Variants in FUBP3 observed in about 807,000 individuals in gnomAD.
FUBP3 encodes far upstream element binding protein 3.
A neutral mutation model predicts 85.6 loss-of-function variants in FUBP3; 28 were observed. That is an observed-to-expected ratio of 0.33 (90% CI 0.24 to 0.45). The LOEUF (loss-of-function observed/expected upper bound fraction) is 0.45. Among genes scored for constraint, FUBP3 ranks in the 20% least tolerant of loss-of-function variants. The pLI is 1.00. For missense variants in FUBP3, 583 were observed against 755.1 expected (o/e 0.77, Z 2.67); for synonymous variants, 271 against 271.4 (o/e 1.00, Z 0.01).
chr9:130,587,079 T>TG (rs1830382748), intron 1 of FUBP3, among the ~76,000 whole-genome samples: 1 of 149,378 alleles, frequency 6.7e-6, no homozygotes, highest in African/African-American at 2.5e-5. Context: ...TTTGTTTGTT[T>TG]TTTTGAGATG....
chr9:130,607,911 G>A (rs1831543771), intron 2 of FUBP3, among the ~76,000 whole-genome samples: 1 of 152,218 alleles, frequency 6.6e-6, no homozygotes, highest in South Asian at 2.1e-4. Context: ...ATGATAGTGT[G>A]AACATTTTCA....
At chr9:130,591,955 G>C (rs933617150) in intron 1 of FUBP3, among the ~76,000 whole-genome samples, 7 of 152,240 alleles carry the variant, frequency 4.6e-5, no homozygotes, top group African/African-American at 1.7e-4. Flanking sequence ...AAAAGGGCCA[G>C]GCGCAGTGGC....
At chr9:130,584,476 C>G (rs551710221) in intron 1 of FUBP3, among the ~76,000 whole-genome samples, 2 of 151,346 alleles carry the variant, frequency 1.3e-5, no homozygotes, top group South Asian at 4.2e-4. Context: ...TGCAGTGAGC[C>G]GAGATCGTGC....
At chr9:130,614,604 C>T (rs1022432887) in intron 6 of FUBP3, among the ~76,000 whole-genome samples, 2 of 152,228 alleles carry the variant, frequency 1.3e-5, no homozygotes, top group Non-Finnish European at 2.9e-5. Context: ...CAGGAGTGTA[C>T]ATTCACCCCA....
intron 16 of FUBP3, among the ~76,000 whole-genome samples, chr9:130,632,532 G>A (rs1830256553): frequency 6.6e-6 from 1 of 152,200 alleles, no homozygotes; most frequent in African/African-American, 2.4e-5. Context: ...GCCCTCTCTT[G>A]GCCCACCTGT....
chr9:130,607,760 G>T (rs1270151756), intron 2 of FUBP3, among the ~76,000 whole-genome samples: 4 of 152,188 alleles, frequency 2.6e-5, no homozygotes, highest in African/African-American at 7.2e-5. Flanking sequence ...ACATGTTTCA[G>T]CCTTGGGTGG....
At chr9:130,600,553 T>TG (rs530960710) in intron 2 of FUBP3, among the ~76,000 whole-genome samples, 275 of 152,080 alleles carry the variant, frequency 1.8e-3, no homozygotes, top group South Asian at 0.015. Flanking sequence ...TGGAGTGCAG[T>TG]GGGGCAGTCA....
Position 130,599,539 on chromosome 9 carries a change from G to A in FUBP3, c.190+3951G>A, listed in dbSNP as rs534607338. 2.6e-5 allele frequency among the ~76,000 whole-genome samples: 4 copies of A among 152,206 alleles called. No individual in the cohort carries two copies. The East Asian group carries it at 7.7e-4, about 29-fold the overall frequency. On this transcript the variant is annotated intron_variant, in intron 2 of 18. Transcript: ENST00000319725. ...AGAACGCTGTTCATGAGTCTGCTTA[G>A]AACCCAGAGCAGAATTTAGAGCTCA...
intron 14 of FUBP3, 85 bp downstream of exon 14, chr9:130,631,715 G>A: frequency 1.8e-6 from 2 of 1,107,748 alleles, no homozygotes; most frequent in Non-Finnish European, 2.7e-6. Context: ...TCTAGCGAGT[G>A]CCAGCCAAGG....
At position 130,631,690 on chromosome 9, in the gene FUBP3, T is replaced by G; in HGVS notation, c.1352+60T>G. The G allele has an allele frequency of 5.9e-6, 8 of 1,364,538 alleles. No homozygotes were observed. The South Asian group carries it at 9.5e-5, about 16-fold the overall frequency. The allele number at this position is 1,364,538 out of a possible 1,614,324, so 84.5% of individuals were successfully genotyped here. ...TCACTCGCTCCCCAGAGATCCCCTG[T>G]CGTTTCCAGCTACTTCTAGCGAGTG... On this transcript the variant is annotated intron_variant, in intron 14 of 18. Coordinates refer to ENST00000319725, the MANE Select transcript of FUBP3 (RefSeq NM_003934.2).
At chr9:130,600,147 T>C (rs1289516233) in intron 2 of FUBP3, among the ~76,000 whole-genome samples, 4 of 135,862 alleles carry the variant, frequency 2.9e-5, no homozygotes, top group Non-Finnish European at 4.7e-5. Flanking sequence ...CTTTTCCCTT[T>C]TTCACACACC....
At chr9:130,590,851 T>C (rs921625496) in intron 1 of FUBP3, among the ~76,000 whole-genome samples, 1 of 152,114 alleles carries the variant, frequency 6.6e-6, no homozygotes, top group Non-Finnish European at 1.5e-5. Flanking sequence ...TAATTGAAAA[T>C]AGGAAATTAA....
intron 14 of FUBP3, 140 bp downstream of exon 14, chr9:130,631,770 C>T (rs1266030129): frequency 1.2e-6 from 1 of 826,126 alleles, no homozygotes; most frequent in African/African-American, 1.7e-5. Context: ...TTTCCTCTCA[C>T]CAGCGGTCCC....
chr9:130,598,471 A>G (rs1830976175), intron 2 of FUBP3, among the ~76,000 whole-genome samples: 1 of 152,250 alleles, frequency 6.6e-6, no homozygotes, highest in Non-Finnish European at 1.5e-5. Context: ...AGGTGTGTGC[A>G]CAGAGGCAGA....
At chr9:130,625,543 A>C (rs1254488985) in intron 11 of FUBP3, among the ~76,000 whole-genome samples, 1 of 152,240 alleles carries the variant, frequency 6.6e-6, no homozygotes, top group Non-Finnish European at 1.5e-5. Flanking sequence ...TCTTAGCTTG[A>C]CCAGGTTCAC....
chr9:130,608,800 T>C (rs1470162943), intron 2 of FUBP3, among the ~76,000 whole-genome samples: 1 of 152,230 alleles, frequency 6.6e-6, no homozygotes, highest in African/African-American at 2.4e-5. Context: ...TTTGCTTTGC[T>C]TTTTCTTCTT....
intron 2 of FUBP3, among the ~76,000 whole-genome samples, chr9:130,603,192 C>G (rs1831241647): frequency 6.6e-6 from 1 of 151,900 alleles, no homozygotes; most frequent in Non-Finnish European, 1.5e-5. Flanking sequence ...ACTAAAAATA[C>G]AAAAATTAGC....
chr9:130,600,763 A>G (rs1009774664), intron 2 of FUBP3, among the ~76,000 whole-genome samples: 2 of 152,120 alleles, frequency 1.3e-5, no homozygotes, highest in African/African-American at 2.4e-5. Flanking sequence ...GCTTGCGTCC[A>G]GGAGTTTGAG....
chr9:130,637,126 G>C lies in FUBP3; in HGVS notation c.*104G>C. 1.1e-6 allele frequency: 1 copy of C among 930,972 alleles called. No homozygotes were observed. Among genetic ancestry groups the C allele is most frequent in the South Asian group, 1.3e-5 (1 of 75,990 alleles). The allele number at this position is 930,972 out of a possible 1,614,324, so 57.7% of individuals were successfully genotyped here. On this transcript the variant is annotated 3_prime_UTR_variant, in exon 19 of 19. Coordinates refer to ENST00000319725, the MANE Select transcript of FUBP3 (RefSeq NM_003934.2). ...GCAAACCTTTTGATGAAGAACTGTTGTTTTGTTCTGTGAAACACTATATTT... is the reference window on the plus strand; with the variant it reads ...GCAAACCTTTTGATGAAGAACTGTTCTTTTGTTCTGTGAAACACTATATTT...
Sources: allele counts gnomAD v4.1 joint callset (sites outside exome capture counted in the v4.1 genomes callset), GRCh38; gene constraint gnomAD v4.1.1; transcripts MANE v1.5; gene names NCBI Gene and HGNC (gene_info 2026-07-23, HGNC 2026-07-21).